The following RIMS1 variants were observed in gnomAD, a reference collection of about 807,000 sequenced individuals.
RIMS1 encodes regulating synaptic membrane exocytosis protein 1.
RIMS1 carries 83 observed loss-of-function variants against 214.1 expected under a neutral mutation model. The observed-to-expected ratio is 0.39, with a 90% CI of 0.32 to 0.47. The LOEUF is 0.47. Among genes scored for constraint, RIMS1 ranks in the 20% least tolerant of loss-of-function variants. RIMS1 has a pLI of 0.99. For synonymous variants in RIMS1, 793 were observed against 786.8 expected (o/e 1.01, Z -0.13); for missense variants, 2,050 against 2,161.8 (o/e 0.95, Z 1.03).
intron 1 of RIMS1, among the ~76,000 whole-genome samples, chr6:71,947,154 A>G (rs183522411): frequency 6.6e-6 from 1 of 152,090 alleles, no homozygotes; most frequent in East Asian, 1.9e-4. Flanking sequence ...GTTGGCAAGG[A>G]TATAGAGAAA....
At chr6:72,028,456 T>C (rs1343849232) in intron 2 of RIMS1, among the ~76,000 whole-genome samples, 2 of 152,168 alleles carry the variant, frequency 1.3e-5, no homozygotes, top group Non-Finnish European at 2.9e-5. Context: ...ATTTCATATA[T>C]AATTTGGAAA....
At chr6:71,932,851 A>G (rs1217729994) in intron 1 of RIMS1, among the ~76,000 whole-genome samples, 1 of 152,098 alleles carries the variant, frequency 6.6e-6, no homozygotes, top group Non-Finnish European at 1.5e-5. Context: ...ACATGTTTGG[A>G]AAAAAATTAT....
intron 1 of RIMS1, among the ~76,000 whole-genome samples, chr6:71,923,697 GCTGGGATTACT>G (rs1361337816): frequency 6.6e-6 from 1 of 151,982 alleles, no homozygotes; most frequent in Non-Finnish European, 1.5e-5. Context: ...CTCCCGAGTA[GCTGGGATTACT>G]CATGTGCCAC....
chr6:72,095,064 G>A (rs1363934548), intron 2 of RIMS1, among the ~76,000 whole-genome samples: 1 of 149,604 alleles, frequency 6.7e-6, no homozygotes, highest in Non-Finnish European at 1.5e-5. Context: ...CCATTCTCCT[G>A]CCTCAGCCTC....
intron 1 of RIMS1, among the ~76,000 whole-genome samples, chr6:71,958,333 A>G (rs1011539955): frequency 1.5e-4 from 23 of 152,220 alleles, no homozygotes; most frequent in African/African-American, 2.9e-4. Flanking sequence ...TATATTTCCA[A>G]TGTAGACATT....
chr6:71,917,246 A>G (rs1014829619), intron 1 of RIMS1, among the ~76,000 whole-genome samples: 8 of 152,200 alleles, frequency 5.3e-5, no homozygotes, highest in African/African-American at 1.9e-4. Context: ...GTTATGTATC[A>G]TTATATGAGG....
At chr6:72,038,715 C>T (rs1182945820) in intron 2 of RIMS1, among the ~76,000 whole-genome samples, 2 of 152,054 alleles carry the variant, frequency 1.3e-5, no homozygotes, top group South Asian at 2.1e-4. Flanking sequence ...TTTTGTTCCT[C>T]AAAGGAAGAG....
intron 26 of RIMS1, among the ~76,000 whole-genome samples, chr6:72,301,000 G>T (rs187873515): frequency 9.0e-4 from 137 of 151,764 alleles, no homozygotes; most frequent in African/African-American, 3.1e-3. Flanking sequence ...TTAAAAGTCC[G>T]TAAGGCAATG....
chr6:71,951,492 T>TTTTTTGTG lies in RIMS1; in HGVS notation c.165-17490_165-17489insTTTTGTGT, dbSNP rs1162341760. On this transcript the variant is annotated intron_variant, in intron 1 of 33. Transcript: ENST00000521978. ...CTTTTCTTTTTCTTTTTTTTTTTTT[T>TTTTTTGTG]TGTGTGTGTGTGTGTGTGACAGAGT... Among the ~76,000 whole-genome samples, 129 of 117,484 alleles carry TTTTTTGTG rather than the reference T, an allele frequency of 1.1e-3. 1 individual carries two copies. The highest frequency in any genetic ancestry group is 4.5e-3 in the African/African-American group (122 of 26,856). 77.1% of individuals were successfully genotyped at this position (117,484 alleles called of 152,430 possible). A position where few individuals can be genotyped will look rare whatever the true frequency, so the allele number is the denominator to read the frequency against.
At chr6:72,216,460 A>C (rs1394798352) in intron 6 of RIMS1, 1 of 985,326 alleles carries the variant, frequency 1.0e-6, no homozygotes, top group African/African-American at 1.7e-5. Context: ...CTGAAGAAGC[A>C]CTTTTGCCTG....
chr6:72,193,795 C>G lies in RIMS1; in HGVS notation c.1678+10646C>G, dbSNP rs373811239. On this transcript the variant is annotated intron_variant, in intron 6 of 33. Transcript: ENST00000521978. ...TCATATCTTTATTTTGCCTGTGGTA[C>G]TAATACCATATATGTTTATTATCAT... Among the ~76,000 whole-genome samples, 376 of 152,120 alleles carry G rather than the reference C, an allele frequency of 2.5e-3. 1 individual carries two copies. The highest frequency in any genetic ancestry group is 0.02 in the Middle Eastern group (6 of 294).
In RIMS1 at chr6:72,260,855, T is replaced by C. The variant is rs1029378834; in HGVS notation, c.3116+88T>C. 29 of 1,557,760 alleles carry C rather than the reference T, an allele frequency of 1.9e-5. No individual in the cohort carries two copies. In the African/African-American group the frequency reaches 3.3e-4, roughly 18 times the overall value. ...TTCCGTCTCTCCCTTAGTGGTATTA[T>C]TACAAGCAAGTCAAATAAATTTCCC... On this transcript the variant is annotated intron_variant, in intron 19 of 33. Transcript: ENST00000521978.
chr6:72,136,817 A>G (rs1442336649), intron 4 of RIMS1, among the ~76,000 whole-genome samples: 1 of 152,138 alleles, frequency 6.6e-6, no homozygotes, highest in Non-Finnish European at 1.5e-5. Flanking sequence ...ATTGACAGCC[A>G]TTTCTAATGA....
At chr6:72,342,684 T>A (rs374897372) in intron 29 of RIMS1, among the ~76,000 whole-genome samples, 152 of 151,444 alleles carry the variant, frequency 1.0e-3, no homozygotes, top group African/African-American at 3.6e-3. Flanking sequence ...AACAAAGGAA[T>A]CTGATCATTT....
chr6:72,103,918 A>G (rs769984734), intron 4 of RIMS1, among the ~76,000 whole-genome samples: 25 of 152,152 alleles, frequency 1.6e-4, no homozygotes, highest in Non-Finnish European at 8.8e-5. Context: ...GATATCTCCA[A>G]TGATTCAGTC....
At chr6:71,975,547 T>C (rs1416255342) in intron 2 of RIMS1, among the ~76,000 whole-genome samples, 1 of 152,174 alleles carries the variant, frequency 6.6e-6, no homozygotes, top group Admixed American at 6.5e-5. Context: ...TTGTTTGTAG[T>C]TTTTGCTGGT....
Position 72,161,420 on chromosome 6 carries a change from CT to C in RIMS1, c.472-18153del, listed in dbSNP as rs554343330. ...TGCTCTGATCTTAGTTATTTCTTGC[CT>C]TCTGTTAGCTTTTGAATGTGTTTGC... On this transcript the variant is annotated intron_variant, in intron 4 of 33. Coordinates refer to ENST00000521978, the MANE Select transcript of RIMS1 (RefSeq NM_014989.7). Among the ~76,000 whole-genome samples, 390 of 139,876 alleles carry C rather than the reference CT, an allele frequency of 2.8e-3. 19 individuals carry two copies. Among genetic ancestry groups the C allele is most frequent in the African/African-American group, 9.0e-3 (363 of 40,514 alleles). 91.8% of individuals were successfully genotyped at this position (139,876 alleles called of 152,430 possible).
chr6:72,186,210 A>G (rs923199818), intron 6 of RIMS1, among the ~76,000 whole-genome samples: 4 of 152,236 alleles, frequency 2.6e-5, no homozygotes, highest in Non-Finnish European at 5.9e-5. Flanking sequence ...GTGTTATTCA[A>G]GCATCAACTG....
chr6:72,028,509 G>A (rs983908962), intron 2 of RIMS1, among the ~76,000 whole-genome samples: 1 of 152,278 alleles, frequency 6.6e-6, no homozygotes, highest in East Asian at 1.9e-4. Context: ...GCTGAGTAAT[G>A]TTTGACAGTC....
Sources: gnomAD v4.1 joint callset for allele counts (sites outside exome capture counted in the v4.1 genomes callset) on GRCh38, gnomAD v4.1.1 for gene constraint, MANE v1.5 for transcripts, NCBI Gene and HGNC (gene_info 2026-07-23, HGNC 2026-07-21) for gene names.